The following ANKRD6 variants were observed in gnomAD, a reference collection of about 807,000 sequenced individuals.
ANKRD6 encodes the protein ankyrin repeat domain 6.
ANKRD6 carries 56 observed loss-of-function variants against 82.3 expected under a neutral mutation model. That is an observed-to-expected ratio of 0.68 (90% CI 0.55 to 0.85). The LOEUF is 0.85. ANKRD6 is among the 40% of genes least tolerant of loss of function. The probability of loss-of-function intolerance (pLI) is 0.00; values close to 1 mark genes in which losing one functional copy is unlikely to be tolerated. For missense variants in ANKRD6, 852 were observed against 907.6 expected (o/e 0.94, Z 0.79); for synonymous variants, 347 against 352.1 (o/e 0.99, Z 0.16).
chr6:89,600,348 G>A (rs2128168607), intron 3 of ANKRD6, among the ~76,000 whole-genome samples: 1 of 152,280 alleles, frequency 6.6e-6, no homozygotes, highest in Non-Finnish European at 1.5e-5. Flanking sequence ...AGGTTAGTCT[G>A]TGCCGTACCA....
In ANKRD6 at chr6:89,617,893, G is replaced by A. The variant is rs1160929962; in HGVS notation, c.715-61G>A. ...GCTCCTGGCCAGAGCTGTGCCAGCT[G>A]GGCTATGTGCGTGTGGGACCCGTGG... On this transcript the variant is annotated intron_variant, in intron 8 of 15. Transcript: ENST00000339746. The A allele has an allele frequency of 5.9e-6, 9 of 1,519,320 alleles. No individual in the cohort carries two copies. In the African/African-American group the frequency reaches 9.6e-5, roughly 16 times the overall value. The allele number at this position is 1,519,320 out of a possible 1,614,324, so 94.1% of individuals were successfully genotyped here.
At chr6:89,538,633 A>C (rs538514655) in intron 1 of ANKRD6, among the ~76,000 whole-genome samples, 2 of 152,340 alleles carry the variant, frequency 1.3e-5, no homozygotes, top group East Asian at 3.9e-4. Flanking sequence ...CTAATCTGTT[A>C]AGGTCAAGAC....
chr6:89,506,772 A>G (rs527944816), intron 1 of ANKRD6, among the ~76,000 whole-genome samples: 1 of 152,314 alleles, frequency 6.6e-6, no homozygotes, highest in East Asian at 1.9e-4. Flanking sequence ...AGGTGACTTT[A>G]GTTGGTTCGC....
chr6:89,606,810 T>C (rs909805043), intron 5 of ANKRD6, among the ~76,000 whole-genome samples: 3 of 145,032 alleles, frequency 2.1e-5, no homozygotes, highest in African/African-American at 7.7e-5. Flanking sequence ...GAGCCAAGAT[T>C]GCACCACTGC....
At chr6:89,561,563 C>T (rs1787426754) in intron 1 of ANKRD6, 1 of 152,178 alleles carries the variant, frequency 6.6e-6, no homozygotes. Flanking sequence ...TTGCTTTATT[C>T]TTCCTTCCCA....
chr6:89,479,606 TTTATTTA>T (rs1157644694), intron 1 of ANKRD6, among the ~76,000 whole-genome samples: 4 of 148,124 alleles, frequency 2.7e-5, no homozygotes, highest in African/African-American at 9.9e-5. Flanking sequence ...TTTATTTTTA[TTTATTTA>T]TTTATTTATT....
intron 5 of ANKRD6, among the ~76,000 whole-genome samples, chr6:89,608,001 G>A (rs545291205): frequency 8.9e-6 from 1 of 112,394 alleles, no homozygotes; most frequent in African/African-American, 3.5e-5. Context: ...TTGAACTCCT[G>A]ACCCCGTGAT....
chr6:89,491,926 C>T (rs1778057030), intron 1 of ANKRD6, among the ~76,000 whole-genome samples: 1 of 152,200 alleles, frequency 6.6e-6, no homozygotes, highest in African/African-American at 2.4e-5. Context: ...CAGTCTATTA[C>T]CATTAGATCC....
At chr6:89,472,891 A>G (rs2127790989) in intron 1 of ANKRD6, among the ~76,000 whole-genome samples, 2 of 152,210 alleles carry the variant, frequency 1.3e-5, no homozygotes, top group Non-Finnish European at 2.9e-5. Context: ...CACTGTCCGC[A>G]TGGTCACTGT....
chr6:89,578,287 T>C (rs908835370), intron 2 of ANKRD6, among the ~76,000 whole-genome samples: 49 of 4,662 alleles, frequency 0.011, 2 homozygotes, highest in African/African-American at 0.02. Context: ...TCCCGCCTCC[T>C]TTTTTTTTTT....
At chr6:89,555,558 A>G (rs1786476733) in intron 1 of ANKRD6, among the ~76,000 whole-genome samples, 2 of 152,260 alleles carry the variant, frequency 1.3e-5, no homozygotes. Context: ...GAAGAGTATT[A>G]GGAGAACCTT....
At chr6:89,481,377 A>G (rs551042241) in intron 1 of ANKRD6, among the ~76,000 whole-genome samples, 2 of 152,266 alleles carry the variant, frequency 1.3e-5, no homozygotes, top group African/African-American at 4.8e-5. Flanking sequence ...GCTCAAAGGA[A>G]ATGCTTATTG....
chr6:89,613,763 T>C lies in ANKRD6; in HGVS notation c.517-29T>C. The C allele has an allele frequency of 2.5e-6, 4 of 1,603,920 alleles. No homozygotes were observed. In the South Asian group the frequency reaches 4.4e-5, roughly 18 times the overall value. Reference sequence around the variant, plus strand: ...CTATTTGTTTTGTAACTGCTCAGATTGTGCTTAGAGTTTGATTTTTGTCCG... The same window carrying C: ...CTATTTGTTTTGTAACTGCTCAGATCGTGCTTAGAGTTTGATTTTTGTCCG... On this transcript the variant is annotated intron_variant, in intron 6 of 15. Coordinates refer to ENST00000339746, the MANE Select transcript of ANKRD6 (RefSeq NM_001242809.2).
intron 5 of ANKRD6, among the ~76,000 whole-genome samples, chr6:89,609,337 T>C (rs764916451): frequency 1.3e-4 from 20 of 152,148 alleles, no homozygotes; most frequent in Non-Finnish European, 2.8e-4. Context: ...GTTTCACTCT[T>C]GTTGCCCAGG....
chr6:89,551,278 A>T lies in ANKRD6; in HGVS notation c.-143-15556A>T, dbSNP rs549681206. On this transcript the variant is annotated intron_variant, in intron 1 of 15. Transcript: ENST00000339746. ...ACGCTGGTATGCTCACTGTCTTTTC[A>T]TGTCATTCTTCTTCCTTTGCGTCTC... Among the ~76,000 whole-genome samples, 12 of 152,238 alleles carry T rather than the reference A, an allele frequency of 7.9e-5. No homozygotes were observed. In the South Asian group the frequency reaches 2.5e-3, roughly 32 times the overall value.
chr6:89,453,978 T>C lies in ANKRD6; in HGVS notation c.-144+20603T>C, dbSNP rs571195484. Among the ~76,000 whole-genome samples the C allele has an allele frequency of 3.3e-5, 5 of 152,116 alleles. No individual in the cohort carries two copies. The East Asian group carries it at 9.7e-4, about 29-fold the overall frequency. ...CACCACGCCCGGCTAACTTTTCGTA[T>C]TTTTAGTAGAGACGGAGTTTCACCA... On this transcript the variant is annotated intron_variant, in intron 1 of 15. Coordinates refer to ENST00000339746, the MANE Select transcript of ANKRD6 (RefSeq NM_001242809.2).
At chr6:89,563,345 T>G (rs1787777968) in intron 1 of ANKRD6, among the ~76,000 whole-genome samples, 1 of 152,200 alleles carries the variant, frequency 6.6e-6, no homozygotes. Context: ...CCTATCTAGA[T>G]TCAGAATGTG....
intron 1 of ANKRD6, among the ~76,000 whole-genome samples, chr6:89,527,621 A>AAAG (rs1554227724): frequency 6.1e-5 from 9 of 148,756 alleles, no homozygotes; most frequent in African/African-American, 2.0e-4. Context: ...AAAAAAAAAA[A>AAAG]AAAAAGAAAA....
chr6:89,542,815 A>C (rs891339295), intron 1 of ANKRD6, among the ~76,000 whole-genome samples: 1 of 152,210 alleles, frequency 6.6e-6, no homozygotes, highest in Non-Finnish European at 1.5e-5. Context: ...TTCACTCCAC[A>C]ATCTACTCAT....
Sources: gnomAD v4.1 joint callset for allele counts (sites outside exome capture counted in the v4.1 genomes callset) on GRCh38, gnomAD v4.1.1 for gene constraint, MANE v1.5 for transcripts, NCBI Gene and HGNC (gene_info 2026-07-23, HGNC 2026-07-21) for gene names.